The following TRIM16 variants were observed in gnomAD, a reference collection of about 807,000 sequenced individuals.
TRIM16 encodes the protein tripartite motif-containing protein 16.
A neutral mutation model predicts 50.4 loss-of-function variants in TRIM16; 33 were observed. That is an observed-to-expected ratio of 0.65 (90% confidence interval 0.50 to 0.88). TRIM16 has a LOEUF of 0.88. Ranked by LOEUF, TRIM16 falls within the 40% of genes least tolerant of loss-of-function variation. TRIM16 has a pLI of 0.00. For missense variants in TRIM16, 581 were observed against 686.8 expected, an observed-to-expected ratio of 0.85 and a Z score of 1.72; for synonymous variants, 229 against 270.7, an observed-to-expected ratio of 0.85 and a Z score of 1.51.
rs752274548 is a variant in TRIM16 at position 15,651,288 on chromosome 17, G to A, written c.322C>T (p.His108Tyr). 27 of 1,614,134 alleles carry A rather than the reference G, an allele frequency of 1.7e-5. No individual in the cohort carries two copies. The highest frequency in any genetic ancestry group is 2.1e-5 in the Non-Finnish European group (25 of 1,180,062). The change falls in exon 7 of 12, where the codon CAT (histidine) becomes TAT (tyrosine). Residue 108 changes from histidine to tyrosine, a missense_variant. By Grantham distance (83) the His-to-Tyr change is moderately conservative. Around this residue, in one of 3 missense-constraint regions of TRIM16, gnomAD observed 450 missense variants for 544.3 expected, o/e 0.83. Transcript: ENST00000649191. Reference protein sequence around the residue: ...VNYCEEHLQPHQVNIKLQSHL... With the variant: ...VNYCEEHLQPYQVNIKLQSHL... ...CTTTGCAGTTTGATGTTCACCTGAT[G>A]CGGCTGCAAGTGCTCTTCACAGTAA...
At chr17:15,667,715 T>C (rs1018880269) in intron 6 of TRIM16, among the ~76,000 whole-genome samples, 103 of 152,250 alleles carry the variant, frequency 6.8e-4, no homozygotes, top group African/African-American at 2.4e-3. Flanking sequence ...TTTAAAGAGT[T>C]CCTATATACC....
In TRIM16 at chr17:15,628,735, T is replaced by C. The variant is rs553959248; in HGVS notation, c.1575A>G (p.Lys525=). Residue 525 remains lysine, a synonymous_variant, in exon 12 of 12, where the codon AAA becomes AAG. Coordinates refer to ENST00000649191, the MANE Select transcript of TRIM16 (RefSeq NM_001348119.1). The stretch of plus-strand genomic sequence containing the variant: ...AGGCAGCATAGACTGGTTCTGAAAA[T>C]TTGCAGGCAAACTTGTGAACCAGAG... ...TMTLVHKFAC[K]FSEPVYAAFW... is the part of the protein sequence containing the mutation. 10 of 1,614,056 alleles carry C rather than the reference T, an allele frequency of 6.2e-6. No homozygotes were observed. The highest frequency in any genetic ancestry group is 2.2e-5 in the East Asian group (1 of 44,862).
chr17:15,630,633 G>T (rs1354446552), intron 11 of TRIM16, among the ~76,000 whole-genome samples: 2 of 151,948 alleles, frequency 1.3e-5, no homozygotes, highest in Non-Finnish European at 1.5e-5. Flanking sequence ...ACACAGCAAG[G>T]CTCCATCTCT....
chr17:15,667,296 A>T (rs1385717377), intron 6 of TRIM16, among the ~76,000 whole-genome samples: 2 of 152,210 alleles, frequency 1.3e-5, no homozygotes, highest in African/African-American at 2.4e-5. Context: ...AGTGGCACCA[A>T]ACTGTGCTAG....
intron 6 of TRIM16, among the ~76,000 whole-genome samples, chr17:15,659,216 A>G (rs1302203605): frequency 1.3e-5 from 2 of 152,236 alleles, no homozygotes; most frequent in Non-Finnish European, 2.9e-5. Context: ...GACATCTGCC[A>G]GCTAAGGAGG....
intron 7 of TRIM16, among the ~76,000 whole-genome samples, chr17:15,644,979 T>A (rs1229419464): frequency 6.6e-6 from 1 of 151,586 alleles, no homozygotes; most frequent in Non-Finnish European, 1.5e-5. Context: ...CCACACCCGG[T>A]TAATTTTTGT....
chr17:15,643,539 T>C (rs1256764523), intron 7 of TRIM16, among the ~76,000 whole-genome samples: 1 of 146,448 alleles, frequency 6.8e-6, no homozygotes, highest in Non-Finnish European at 1.5e-5. Context: ...ATGTATTTGA[T>C]TGATGTCTCA....
chr17:15,651,580 C>T lies in TRIM16; in HGVS notation c.30G>A (p.Gly10=). MAELDLMAP[G]PLPRATAQPP... The stretch of plus-strand genomic sequence containing the variant: ...GCTGAGCAGTGGCCCTGGGCAGTGG[C>T]CCTGGAGCCATTAGATCCAACTCAG... The change falls in exon 7 of 12, where the codon GGG becomes GGA. Residue 10 remains glycine, a synonymous_variant. Transcript: ENST00000649191. 6.2e-7 allele frequency: 1 copy of T among 1,613,806 alleles called. No homozygotes were observed. The highest frequency in any genetic ancestry group is 8.5e-7 in the Non-Finnish European group (1 of 1,179,854).
At chr17:15,634,283 C>T (rs1986600958) in intron 9 of TRIM16, among the ~76,000 whole-genome samples, 1 of 146,840 alleles carries the variant, frequency 6.8e-6, no homozygotes, top group South Asian at 2.2e-4. Context: ...GAGCCAAGAT[C>T]GTGCCATTGC....
intron 6 of TRIM16, among the ~76,000 whole-genome samples, chr17:15,661,510 C>T (rs1988237594): frequency 6.6e-6 from 1 of 152,176 alleles, no homozygotes; most frequent in Non-Finnish European, 1.5e-5. Context: ...CTGCCCAACC[C>T]CTCCTCTCAG....
At chr17:15,658,210 A>C (rs1324147339) in intron 6 of TRIM16, among the ~76,000 whole-genome samples, 3 of 152,338 alleles carry the variant, frequency 2.0e-5, no homozygotes, top group South Asian at 4.1e-4. Flanking sequence ...GAAAGGATAT[A>C]AGCAATGCCT....
At position 15,642,695 on chromosome 17, in the gene TRIM16, G is replaced by A. The variant is rs573757536; in HGVS notation, c.615+26C>T. 2.1e-4 allele frequency: 164 copies of A among 795,960 alleles called. 4 individuals carry two copies. The highest frequency in any genetic ancestry group is 7.9e-4 in the Middle Eastern group (2 of 2,542). The allele number at this position is 795,960 out of a possible 1,614,324, so 49.3% of individuals were successfully genotyped here. A position where few individuals can be genotyped will look rare whatever the true frequency, so the allele number is the denominator to read the frequency against. ...AGTACCACGTCCCACACCCTCACAG[G>A]CCTGGCTGACCCAGGCTGGTCTTAC... On this transcript the variant is annotated intron_variant, in intron 8 of 11. Transcript: ENST00000649191.
At chr17:15,636,647 T>TC (rs1986760903) in intron 8 of TRIM16, among the ~76,000 whole-genome samples, 1 of 145,600 alleles carries the variant, frequency 6.9e-6, no homozygotes, top group South Asian at 2.2e-4. Context: ...TTTTTTTTTT[T>TC]GTATAATCAG....
intron 8 of TRIM16, among the ~76,000 whole-genome samples, chr17:15,636,672 C>G (rs1051770029): frequency 8.5e-6 from 1 of 117,892 alleles, no homozygotes. Flanking sequence ...AATTAGCTTT[C>G]TTAGCATTTC....
At chr17:15,665,283 C>T (rs561395188) in intron 6 of TRIM16, among the ~76,000 whole-genome samples, 23 of 152,166 alleles carry the variant, frequency 1.5e-4, no homozygotes, top group South Asian at 2.1e-4. Flanking sequence ...GAGGCTGCGG[C>T]GGGCAGATCA....
At chr17:15,634,937 G>C (rs2150900654) in intron 9 of TRIM16, among the ~76,000 whole-genome samples, 1 of 149,212 alleles carries the variant, frequency 6.7e-6, no homozygotes, top group South Asian at 2.2e-4. Context: ...TTATTAAATG[G>C]TTATTCATAT....
chr17:15,652,455 CTTTTTTTTTT>C (rs34158100), intron 6 of TRIM16, among the ~76,000 whole-genome samples: 1 of 65,358 alleles, frequency 1.5e-5, no homozygotes, highest in Admixed American at 1.8e-4. Context: ...CGGTGCCCAC[CTTTTTTTTTT>C]TTTTTTTTTT....
rs906491708 is a variant in TRIM16, at chr17:15,632,641, T to A, written c.883A>T (p.Thr295Ser). 12 of 1,612,944 alleles carry A rather than the reference T, an allele frequency of 7.4e-6. No homozygotes were observed. In the African/African-American group the frequency reaches 1.6e-4, roughly 22 times the overall value. ...YCKFKNTEDI[T>S]FPSVYVGLKD... is the part of the protein sequence containing the mutation. ...AGCCCTACGTAAACACTAGGGAAGG[T>A]GATGTCTTCAGTGTTCTTAAACTTG... Residue 295 changes from threonine (T) to serine (S), a missense_variant, in exon 10 of 12, where the codon ACC becomes TCC. Transcript: ENST00000649191.
intron 6 of TRIM16, among the ~76,000 whole-genome samples, chr17:15,654,884 C>T (rs1428102255): frequency 6.6e-6 from 1 of 152,114 alleles, no homozygotes; most frequent in African/African-American, 2.4e-5. Flanking sequence ...AAGTATCCTC[C>T]TCAATCCCTT....
Sources: gnomAD v4.1 joint callset for allele counts (sites outside exome capture counted in the v4.1 genomes callset) on GRCh38, gnomAD v4.1.1 for gene constraint, gnomAD v4.1.1 regional missense constraint, MANE v1.5 for transcripts, NCBI Gene and HGNC (gene_info 2026-07-23, HGNC 2026-07-21) for gene names.